LDHAL6A: variants seen among roughly 807,000 people sequenced by gnomAD.
LDHAL6A encodes lactate dehydrogenase A like 6A.
A neutral mutation model predicts 28.2 loss-of-function variants in LDHAL6A; 19 were observed. That is an observed-to-expected ratio of 0.67 (90% CI 0.47 to 0.99). The LOEUF is 0.99. Among genes scored for constraint, LDHAL6A ranks in the 50% least tolerant of loss-of-function variants. The pLI, the probability that LDHAL6A is intolerant of heterozygous loss-of-function variation, is 0.00. For missense variants in LDHAL6A, 372 were observed against 398.6 expected (o/e 0.93, Z 0.57); for synonymous variants, 144 against 134.4 (o/e 1.07, Z -0.49).
intron 3 of LDHAL6A, 102 bp from the exon 4 acceptor site, chr11:18,475,364 T>G (rs901881120): frequency 1.1e-6 from 1 of 889,116 alleles, no homozygotes; most frequent in Non-Finnish European, 1.8e-6. Context: ...GTTTCTTGCC[T>G]CCTCCACAAA....
intron 3 of LDHAL6A, chr11:18,475,186 TAA>T: frequency 3.4e-6 from 1 of 290,490 alleles, no homozygotes; most frequent in Non-Finnish European, 6.4e-6. Context: ...AAAGACTTGA[TAA>T]GAGAGTATTT....
rs1849111297 is a variant in LDHAL6A at position 18,467,863 on chromosome 11, ATATATATATATACACACATATAT to A, written c.418+2054_418+2076del. 8.9e-4 allele frequency among the ~76,000 whole-genome samples: 26 copies of A among 29,370 alleles called. 3 individuals carry two copies. In the Admixed American group the frequency reaches 0.01, roughly 12 times the overall value. The allele number at this position is 29,370 out of a possible 152,430, so 19.3% of individuals were successfully genotyped here. ...ACAGGGCAAGACTGTCTCAAAAAAA[ATATATATATATACACACATATAT>A]ATATATATATATATATATATATATA... is the stretch of plus-strand genomic sequence containing the variant. On this transcript the variant is annotated intron_variant, in intron 3 of 6. Coordinates refer to ENST00000280706, the MANE Select transcript of LDHAL6A (RefSeq NM_144972.5).
intron 3 of LDHAL6A, chr11:18,475,162 A>G: frequency 4.3e-6 from 1 of 232,852 alleles, no homozygotes; most frequent in South Asian, 7.1e-5. Context: ...TTATTCTCTA[A>G]GCAAAATTAT....
At chr11:18,470,103 A>G (rs560533757) in intron 3 of LDHAL6A, among the ~76,000 whole-genome samples, 18 of 152,194 alleles carry the variant, frequency 1.2e-4, no homozygotes, top group Non-Finnish European at 1.5e-5. Flanking sequence ...TAATTTTTGT[A>G]TTTTTAGTAC....
chr11:18,464,977 G>GTTTGTTTGTTTTTTTTTTTTTTT (rs1849013732), intron 2 of LDHAL6A, among the ~76,000 whole-genome samples: 1 of 125,490 alleles, frequency 8.0e-6, no homozygotes, highest in African/African-American at 3.4e-5. Flanking sequence ...TGTTTTTTTT[G>GTTTGTTTGTTTTTTTTTTTTTTT]TTTTTTTTTG....
At chr11:18,469,312 C>T (rs913169865) in intron 3 of LDHAL6A, 6 of 473,602 alleles carry the variant, frequency 1.3e-5, no homozygotes, top group South Asian at 3.8e-5. Context: ...CTCAAAGTAC[C>T]GCGTCATTAA....
chr11:18,458,215 T>A (rs3993292), intron 1 of LDHAL6A, among the ~76,000 whole-genome samples: 55,857 of 151,706 alleles, frequency 0.37, 11,310 homozygotes, highest in African/African-American at 0.54. Flanking sequence ...CTATCCATGA[T>A]GGGAGGTCCT....
At chr11:18,461,283 T>C (rs1848894357) in intron 1 of LDHAL6A, among the ~76,000 whole-genome samples, 1 of 151,896 alleles carries the variant, frequency 6.6e-6, no homozygotes, top group Non-Finnish European at 1.5e-5. Context: ...TAGCTGGGAC[T>C]ACAGGTGCAT....
At chr11:18,457,521 T>C (rs1254567062) in intron 1 of LDHAL6A, among the ~76,000 whole-genome samples, 5 of 152,206 alleles carry the variant, frequency 3.3e-5, no homozygotes, top group African/African-American at 1.2e-4. Flanking sequence ...GGATTGCCTC[T>C]GGGTTTCATA....
At chr11:18,462,659 A>AC (rs1286362723) in intron 1 of LDHAL6A, among the ~76,000 whole-genome samples, 25 of 137,442 alleles carry the variant, frequency 1.8e-4, no homozygotes, top group East Asian at 8.6e-4. Flanking sequence ...AACAAACAAA[A>AC]AAAAAAACAA....
In LDHAL6A at chr11:18,475,521, T is replaced by C; in HGVS notation, c.474T>C (p.Val158=). ...TGAGTGGATTTCCCAAAAACCGTGTTATTGGAAGTGGTTGTAATCTGGACT... is the reference window on the plus strand; with the variant it reads ...TGAGTGGATTTCCCAAAAACCGTGTCATTGGAAGTGGTTGTAATCTGGACT... The part of the protein sequence containing the change: ...WKLSGFPKNR[V]IGSGCNLDSA... The change falls in exon 4 of 7, where the codon GTT becomes GTC. Residue 158 remains valine, a synonymous_variant. Transcript: ENST00000280706. 1 of 1,614,130 alleles carries C rather than the reference T, an allele frequency of 6.2e-7. No individual in the cohort carries two copies. Among genetic ancestry groups the C allele is most frequent in the Non-Finnish European group, 8.5e-7 (1 of 1,179,974 alleles).
chr11:18,476,585 A>G (rs569945986), intron 5 of LDHAL6A, 84 bp downstream of exon 5: 36 of 1,517,574 alleles, frequency 2.4e-5, no homozygotes, highest in Non-Finnish European at 3.0e-5. Context: ...TCCCTTAAAT[A>G]TATGTTGTTG....
intron 3 of LDHAL6A, among the ~76,000 whole-genome samples, chr11:18,468,149 C>T (rs1255535884): frequency 6.8e-6 from 1 of 146,250 alleles, no homozygotes; most frequent in African/African-American, 2.5e-5. Flanking sequence ...GAAGTAAAAC[C>T]AGCAAGGATT....
Position 18,464,068 on chromosome 11 carries a change from C to G in LDHAL6A, c.234C>G (p.Val78=), listed in dbSNP as rs376050195. The stretch of plus-strand genomic sequence containing the variant: ...CTTTTATGAAAATGCCAAATATTGT[C>G]TCCAGCAAAGGTTAATGTCATAGTT... ...GSPFMKMPNI[V]SSKDYLVTAN... is the part of the protein sequence containing the mutation. Residue 78 remains valine (V), a synonymous_variant, in exon 2 of 7, where the codon GTC becomes GTG. Transcript: ENST00000280706. The G allele has an allele frequency of 6.3e-7, 1 of 1,598,022 alleles. No homozygotes were observed. Among genetic ancestry groups the G allele is most frequent in the Non-Finnish European group, 8.6e-7 (1 of 1,165,446 alleles).
At chr11:18,462,800 T>C (rs1451755333) in intron 1 of LDHAL6A, among the ~76,000 whole-genome samples, 1 of 151,208 alleles carries the variant, frequency 6.6e-6, no homozygotes, top group Non-Finnish European at 1.5e-5. Flanking sequence ...ACCACTGCAC[T>C]CCAGCCTGGG....
intron 1 of LDHAL6A, among the ~76,000 whole-genome samples, chr11:18,462,346 CAA>C (rs1848933954): frequency 6.6e-6 from 1 of 151,798 alleles, no homozygotes; most frequent in East Asian, 1.9e-4. Flanking sequence ...ACTAAAAATA[CAA>C]AAAAATTGGC....
intron 2 of LDHAL6A, among the ~76,000 whole-genome samples, chr11:18,464,977 G>GTTTGTTTTTTTTTTT (rs1849013732): frequency 4.0e-5 from 5 of 125,564 alleles, no homozygotes; most frequent in African/African-American, 1.7e-4. Context: ...TGTTTTTTTT[G>GTTTGTTTTTTTTTTT]TTTTTTTTTG....
intron 2 of LDHAL6A, among the ~76,000 whole-genome samples, chr11:18,465,001 T>TTTTTTTTTTTTTTTTTTTTTTTTTTTG (rs1849025165): frequency 1.4e-5 from 2 of 144,414 alleles, no homozygotes; most frequent in African/African-American, 5.4e-5. Context: ...TGTTTTGTTT[T>TTTTTTTTTTTTTTTTTTTTTTTTTTTG]GGTTTGTTTT....
At position 18,464,977 on chromosome 11, in the gene LDHAL6A, G is replaced by GTTTGTTTTTTTTTTTTTTTTTTTT. The variant is rs1849013732; in HGVS notation, c.245-657_245-656insGTTTTTTTTTTTTTTTTTTTTTTT. Among the ~76,000 whole-genome samples, 4 of 125,490 alleles carry GTTTGTTTTTTTTTTTTTTTTTTTT rather than the reference G, an allele frequency of 3.2e-5. 1 individual carries two copies. Among genetic ancestry groups the GTTTGTTTTTTTTTTTTTTTTTTTT allele is most frequent in the African/African-American group, 1.3e-4 (4 of 29,732 alleles). 82.3% of individuals were successfully genotyped at this position (125,490 alleles called of 152,430 possible). ...TTTTAGGAGGTGAGGTGTTTTTTTT[G>GTTTGTTTTTTTTTTTTTTTTTTTT]TTTTTTTTTGTTTTGTTTTGTTTTG... is the stretch of plus-strand genomic sequence containing the variant. On this transcript the variant is annotated intron_variant, in intron 2 of 6. Coordinates refer to ENST00000280706, the MANE Select transcript of LDHAL6A (RefSeq NM_144972.5).
Sources: allele counts gnomAD v4.1 joint callset (sites outside exome capture counted in the v4.1 genomes callset), GRCh38; gene constraint gnomAD v4.1.1; transcripts MANE v1.5; gene names NCBI Gene and HGNC (gene_info 2026-07-23, HGNC 2026-07-21).